ANXA3: variants seen among roughly 807,000 people sequenced by gnomAD.
ANXA3 encodes the protein 35-alpha calcimedin.
A neutral mutation model predicts 48.8 loss-of-function variants in ANXA3; 46 were observed. The ratio of observed to expected loss-of-function variants is 0.94; its 90% CI spans 0.74 to 1.21. The LOEUF is 1.21. Among genes scored for constraint, ANXA3 ranks in the 50% most tolerant of loss-of-function variants. ANXA3 has a pLI of 0.00. For synonymous variants in ANXA3, 128 were observed against 134.7 expected (o/e 0.95, Z 0.35); for missense variants, 383 against 378.6 (o/e 1.01, Z -0.10).
At chr4:78,608,516 A>T (rs536928654) in intron 12 of ANXA3, among the ~76,000 whole-genome samples, 33 of 152,298 alleles carry the variant, frequency 2.2e-4, no homozygotes, top group Middle Eastern at 6.8e-3. Context: ...AAGAGTTAGT[A>T]TCAGGATCAT....
At position 78,573,191 on chromosome 4, in the gene ANXA3, A is replaced by C; in HGVS notation, c.27A>C (p.Arg9=). 1 of 1,612,786 alleles carries C rather than the reference A, an allele frequency of 6.2e-7. No homozygotes were observed. Among genetic ancestry groups the C allele is most frequent in the Non-Finnish European group, 8.5e-7 (1 of 1,178,932 alleles). Reference sequence around the variant, plus strand: ...GTATTTCCTTCTAGGTTGGACACCGAGGAACAGTAAGAGATTATCCAGACT... The same window carrying C: ...GTATTTCCTTCTAGGTTGGACACCGCGGAACAGTAAGAGATTATCCAGACT... The part of the protein sequence containing the change: MASIWVGH[R]GTVRDYPDFS... Residue 9 remains arginine, a synonymous_variant, in exon 3 of 13, where the codon CGA becomes CGC. Transcript: ENST00000264908.
intron 3 of ANXA3, among the ~76,000 whole-genome samples, chr4:78,578,274 A>G (rs1722997221): frequency 7.4e-6 from 1 of 135,224 alleles, no homozygotes; most frequent in African/African-American, 2.7e-5. Flanking sequence ...AGAGAGAGAG[A>G]AAGGGCGAAG....
chr4:78,585,855 A>T (rs998531619), intron 5 of ANXA3, among the ~76,000 whole-genome samples: 4 of 152,226 alleles, frequency 2.6e-5, no homozygotes, highest in Admixed American at 2.6e-4. Flanking sequence ...GAAGAGAATG[A>T]TACATGCTGA....
intron 9 of ANXA3, among the ~76,000 whole-genome samples, chr4:78,596,714 C>T (rs1723430756): frequency 6.6e-6 from 1 of 152,068 alleles, no homozygotes; most frequent in African/African-American, 2.4e-5. Flanking sequence ...ACCAGATAAC[C>T]CTAGGTCTCT....
chr4:78,582,619 C>T (rs1723094970), intron 5 of ANXA3, among the ~76,000 whole-genome samples: 1 of 152,172 alleles, frequency 6.6e-6, no homozygotes, highest in South Asian at 2.1e-4. Flanking sequence ...TTTTCTCTTA[C>T]CCTTCCAAGC....
intron 2 of ANXA3, among the ~76,000 whole-genome samples, chr4:78,560,693 C>T (rs1454443400): frequency 6.6e-6 from 1 of 152,174 alleles, no homozygotes; most frequent in Non-Finnish European, 1.5e-5. Context: ...GAGTTGCAAC[C>T]CTGTGATCAC....
intron 2 of ANXA3, among the ~76,000 whole-genome samples, chr4:78,564,504 AC>A (rs1280565493): frequency 1.3e-5 from 2 of 152,218 alleles, no homozygotes; most frequent in Non-Finnish European, 2.9e-5. Context: ...CTATCTGGGG[AC>A]TGAGCACTGG....
intron 6 of ANXA3, among the ~76,000 whole-genome samples, chr4:78,586,785 A>G (rs1723189545): frequency 6.6e-6 from 1 of 152,234 alleles, no homozygotes; most frequent in African/African-American, 2.4e-5. Flanking sequence ...CTAAAGACCT[A>G]ATAGTCTGCT....
chr4:78,563,574 C>G (rs563017888), intron 2 of ANXA3, among the ~76,000 whole-genome samples: 2 of 152,254 alleles, frequency 1.3e-5, no homozygotes, highest in Admixed American at 1.3e-4. Context: ...GTATATGAAC[C>G]ATAAAGTGGA....
chr4:78,607,489 A>G (rs955180292), intron 12 of ANXA3, among the ~76,000 whole-genome samples: 3 of 152,182 alleles, frequency 2.0e-5, no homozygotes, highest in Admixed American at 6.5e-5. Flanking sequence ...ACCAATGTGT[A>G]CCTCTTACTA....
At chr4:78,582,891 T>C (rs910644267) in intron 5 of ANXA3, among the ~76,000 whole-genome samples, 5 of 152,208 alleles carry the variant, frequency 3.3e-5, no homozygotes, top group Admixed American at 2.6e-4. Flanking sequence ...TTCCAATGGC[T>C]TTGTACGCTT....
intron 2 of ANXA3, among the ~76,000 whole-genome samples, chr4:78,566,047 G>A (rs535127636): frequency 1.3e-4 from 20 of 152,260 alleles, no homozygotes; most frequent in African/African-American, 2.6e-4. Context: ...TTAGAATTGC[G>A]TATTTTATAG....
intron 2 of ANXA3, among the ~76,000 whole-genome samples, chr4:78,570,738 G>A (rs1722826307): frequency 6.6e-6 from 1 of 152,194 alleles, no homozygotes; most frequent in African/African-American, 2.4e-5. Context: ...ATTTATTGGG[G>A]CTGTTATGCA....
Position 78,586,280 on chromosome 4 carries a change from T to A in ANXA3, c.333T>A (p.Asp111Glu), listed in dbSNP as rs1303530186. 6.2e-7 allele frequency: 1 copy of A among 1,613,636 alleles called. No homozygotes were observed. The highest frequency in any genetic ancestry group is 1.3e-5 in the African/African-American group (1 of 74,912). The change falls in exon 6 of 13, where the codon GAT becomes GAA. Residue 111 changes from aspartate (D) to glutamate (E), a missense_variant. Physicochemically the swap from Asp to Glu is conservative, Grantham distance 45 (BLOSUM62 2). Coordinates refer to ENST00000264908, the MANE Select transcript of ANXA3 (RefSeq NM_005139.3). ...TTTAGGGCGCGGGAACAAACGAAGATGCCTTGATTGAAATCTTAACTACCA... is the reference window on the plus strand; with the variant it reads ...TTTAGGGCGCGGGAACAAACGAAGAAGCCTTGATTGAAATCTTAACTACCA... Reference protein sequence around the residue: ...KSMKGAGTNEDALIEILTTRT... With the variant: ...KSMKGAGTNEEALIEILTTRT...
rs904070967 is a variant in ANXA3, at chr4:78,555,049, T to C, written c.15+561T>C. Among the ~76,000 whole-genome samples, 6 of 151,920 alleles carry C rather than the reference T, an allele frequency of 3.9e-5. No individual in the cohort carries two copies. The South Asian group carries it at 1.2e-3, about 32-fold the overall frequency. ...GGTGAAACCGTGTCTCTACTAGAAA[T>C]ACAAAAATAGCCCGGTGCGATGGCA... On this transcript the variant is annotated intron_variant, in intron 2 of 12. Transcript: ENST00000264908.
intron 10 of ANXA3, among the ~76,000 whole-genome samples, chr4:78,600,049 G>A (rs189987792): frequency 3.4e-4 from 52 of 152,288 alleles, no homozygotes; most frequent in Non-Finnish European, 6.5e-4. Flanking sequence ...ACGTCTGGCA[G>A]TGGACAGCTG....
Position 78,609,961 on chromosome 4 carries a change from C to G in ANXA3, c.913-95C>G, listed in dbSNP as rs1191204790. 7.2e-5 allele frequency: 61 copies of G among 846,684 alleles called. 1 individual carries two copies. The South Asian group carries it at 1.1e-3, about 16-fold the overall frequency. The allele number at this position is 846,684 out of a possible 1,614,324, so 52.4% of individuals were successfully genotyped here. Reference sequence around the variant, plus strand: ...AATGGTATAGCTCATGAGTCTCACACCCAGGTGAATTCCCTAGTGCTATAG... The same window carrying G: ...AATGGTATAGCTCATGAGTCTCACAGCCAGGTGAATTCCCTAGTGCTATAG... On this transcript the variant is annotated intron_variant, in intron 12 of 12. Transcript: ENST00000264908.
At chr4:78,587,251 C>T (rs1448839442) in intron 6 of ANXA3, among the ~76,000 whole-genome samples, 1 of 152,164 alleles carries the variant, frequency 6.6e-6, no homozygotes, top group Non-Finnish European at 1.5e-5. Context: ...AACCATTGTT[C>T]ATGTGATTGA....
chr4:78,605,937 A>AGCCT (rs1396957817), intron 12 of ANXA3, among the ~76,000 whole-genome samples: 1 of 152,260 alleles, frequency 6.6e-6, no homozygotes, highest in Non-Finnish European at 1.5e-5. Flanking sequence ...CCTGCTCAGT[A>AGCCT]GCCTTCCATT....
Sources: gnomAD v4.1 joint callset for allele counts (sites outside exome capture counted in the v4.1 genomes callset) on GRCh38, gnomAD v4.1.1 for gene constraint, MANE v1.5 for transcripts, NCBI Gene and HGNC (gene_info 2026-07-23, HGNC 2026-07-21) for gene names.